The following RBM41 variants were observed in gnomAD, a reference collection of about 807,000 sequenced individuals.
RBM41 encodes RNA binding motif protein 41, also known as RNA-binding protein 41.
RBM41 carries 14 observed loss-of-function variants against 30.8 expected under a neutral mutation model. The ratio of observed to expected loss-of-function variants is 0.45; its 90% CI spans 0.30 to 0.71. The LOEUF (loss-of-function observed/expected upper bound fraction) is 0.71, where lower values mean the gene tolerates loss of function less well. Among genes scored for constraint, RBM41 ranks in the 30% least tolerant of loss-of-function variants. The pLI is 0.08. For synonymous variants in RBM41, 120 were observed against 110.1 expected (o/e 1.09, Z -0.56); for missense variants, 276 against 326.3 (o/e 0.85, Z 1.19).
At position 107,108,892 on chromosome X, in the gene RBM41, T is replaced by C. The variant is rs1339537497; in HGVS notation, c.595+4505A>G. On this transcript the variant is annotated intron_variant, in intron 5 of 7. Coordinates refer to ENST00000685964, the MANE Select transcript of RBM41 (RefSeq NM_001324242.2). ...CACTATTTTACCTGGATGGAACTAT[T>C]TGACCTGCCTGGCACTTCAATGAAA... Among the ~76,000 whole-genome samples the C allele has an allele frequency of 4.5e-5, 5 of 111,648 alleles. No individual in the cohort carries two copies. In the Admixed American group the frequency reaches 4.8e-4, roughly 11 times the overall value.
intron 5 of RBM41, among the ~76,000 whole-genome samples, chrX:107,090,322 C>A (rs1290883820): frequency 1.8e-5 from 2 of 111,282 alleles, no homozygotes; most frequent in African/African-American, 6.6e-5. Flanking sequence ...TGCAGTGAGC[C>A]GAGATCGCGC....
At chrX:107,074,801 G>A (rs1334037911) in intron 6 of RBM41, among the ~76,000 whole-genome samples, 1 of 111,845 alleles carries the variant, frequency 8.9e-6, no homozygotes, top group African/African-American at 3.2e-5. Flanking sequence ...CTGTGTTCAT[G>A]GATTAGAAGA....
chrX:107,106,535 T>C (rs1924008545), intron 5 of RBM41, among the ~76,000 whole-genome samples: 1 of 111,532 alleles, frequency 9.0e-6, no homozygotes, highest in Admixed American at 9.5e-5. Context: ...ACCCAAAGGA[T>C]TATAAAACAT....
At chrX:107,105,233 CAG>C (rs1436825604) in intron 5 of RBM41, among the ~76,000 whole-genome samples, 7 of 110,453 alleles carry the variant, frequency 6.3e-5, no homozygotes, top group Admixed American at 4.8e-4. Context: ...AACAGACAAA[CAG>C]AGAGTCAAAT....
intron 6 of RBM41, among the ~76,000 whole-genome samples, chrX:107,081,821 T>C (rs995120613): frequency 1.8e-5 from 2 of 112,071 alleles, no homozygotes; most frequent in Non-Finnish European, 3.8e-5. Context: ...ATTTCTGGTA[T>C]AGAGGAAAGC....
chrX:107,081,608 A>G (rs1335491504), intron 6 of RBM41, among the ~76,000 whole-genome samples: 1 of 112,348 alleles, frequency 8.9e-6, no homozygotes, highest in Non-Finnish European at 1.9e-5. Flanking sequence ...AGAAGAACTG[A>G]TATCTTAACA....
In RBM41 at chrX:107,063,068, A is replaced by T. The variant is rs1033357390; in HGVS notation, c.*4459T>A. On this transcript the variant is annotated 3_prime_UTR_variant, in exon 8 of 8. Coordinates refer to ENST00000685964, the MANE Select transcript of RBM41 (RefSeq NM_001324242.2). Reference sequence around the variant, plus strand: ...TGAGATATAATTCATACACCACACAATTCACCCATTTAACGTGTACAATTC... The same window carrying T: ...TGAGATATAATTCATACACCACACATTTCACCCATTTAACGTGTACAATTC... 2.7e-5 allele frequency among the ~76,000 whole-genome samples: 3 copies of T among 111,452 alleles called. No individual in the cohort carries two copies. The highest frequency in any genetic ancestry group is 3.8e-5 in the Non-Finnish European group (2 of 53,087).
rs1924797069 is a variant in RBM41 at position 107,115,259 on chromosome X, C to T, written c.523+93G>A. 1.2e-5 allele frequency: 11 copies of T among 950,043 alleles called. No individual in the cohort carries two copies. In the East Asian group the frequency reaches 3.1e-4, roughly 27 times the overall value. The allele number at this position is 950,043 out of a possible 1,213,427, so 78.3% of individuals were successfully genotyped here. A position where few individuals can be genotyped will look rare whatever the true frequency, so the allele number is the denominator to read the frequency against. Reference sequence around the variant, plus strand: ...AAAGTAGTGACAATTTGTCTTTCCCCTATTCCCTTCACTAACTCTTCATAT... The same window carrying T: ...AAAGTAGTGACAATTTGTCTTTCCCTTATTCCCTTCACTAACTCTTCATAT... On this transcript the variant is annotated intron_variant, in intron 4 of 7. Transcript: ENST00000685964.
chrX:107,065,642 T>A lies in RBM41; in HGVS notation c.*1885A>T. 1 of 745,893 alleles carries A rather than the reference T, an allele frequency of 1.3e-6. No homozygotes were observed. The highest frequency in any genetic ancestry group is 3.9e-5 in the South Asian group (1 of 25,778). The allele number at this position is 745,893 out of a possible 1,213,427, so 61.5% of individuals were successfully genotyped here. ...AGTAAGTATATGTTTATAGTTTTTT[T>A]ATATTAAACTTATTTCCTATTTCAC... On this transcript the variant is annotated 3_prime_UTR_variant, in exon 8 of 8. Coordinates refer to ENST00000685964, the MANE Select transcript of RBM41 (RefSeq NM_001324242.2).
intron 6 of RBM41, among the ~76,000 whole-genome samples, chrX:107,087,635 G>A (rs1005599921): frequency 8.9e-6 from 1 of 112,177 alleles, no homozygotes; most frequent in Non-Finnish European, 1.9e-5. Context: ...ACGAAGTCTC[G>A]GTTTGTTGCC....
intron 5 of RBM41, among the ~76,000 whole-genome samples, chrX:107,106,804 G>T (rs940621446): frequency 1.2e-4 from 13 of 104,836 alleles, no homozygotes; most frequent in Non-Finnish European, 2.3e-4. Context: ...TCACTCATAG[G>T]TGGGAATTGA....
At chrX:107,067,730 C>A in intron 7 of RBM41, 37 bp from the exon 8 acceptor site, 1 of 1,137,465 alleles carries the variant, frequency 8.8e-7, no homozygotes, top group Non-Finnish European at 1.2e-6. Context: ...TTACATAGGA[C>A]TTAATAATTC....
chrX:107,099,769 A>G (rs1291002142), intron 5 of RBM41, among the ~76,000 whole-genome samples: 2 of 111,132 alleles, frequency 1.8e-5, no homozygotes, highest in African/African-American at 3.3e-5. Flanking sequence ...ACTGTTCTAA[A>G]GCAAACTAAG....
chrX:107,075,920 T>C (rs1385076758), intron 6 of RBM41, among the ~76,000 whole-genome samples: 2 of 112,031 alleles, frequency 1.8e-5, no homozygotes, highest in Non-Finnish European at 1.9e-5. Context: ...CTCAAAGAGA[T>C]ATATGCATTC....
chrX:107,083,719 G>A (rs1341957769), intron 6 of RBM41, among the ~76,000 whole-genome samples: 4 of 110,595 alleles, frequency 3.6e-5, no homozygotes, highest in Non-Finnish European at 7.6e-5. Context: ...TTGTTACAGT[G>A]TTTTTGATTT....
chrX:107,100,159 T>C (rs1401340046), intron 5 of RBM41, among the ~76,000 whole-genome samples: 1 of 111,987 alleles, frequency 8.9e-6, no homozygotes, highest in Non-Finnish European at 1.9e-5. Context: ...GACTAAAGGC[T>C]TTAAAAAAAG....
chrX:107,058,293 C>CAAAAAAA (rs201428990), downstream of RBM41, among the ~76,000 whole-genome samples: 4 of 45,710 alleles, frequency 8.8e-5, no homozygotes, highest in Admixed American at 2.5e-4. Context: ...AACTCCGTCT[C>CAAAAAAA]AAAAAAAAAA....
intron 6 of RBM41, among the ~76,000 whole-genome samples, chrX:107,075,434 G>A (rs933085575): frequency 8.9e-6 from 1 of 111,843 alleles, no homozygotes; most frequent in African/African-American, 3.2e-5. Flanking sequence ...AAAAAGCCCT[G>A]CACAGCAAAG....
downstream of RBM41, among the ~76,000 whole-genome samples, chrX:107,058,740 G>A (rs1212808752): frequency 9.0e-6 from 1 of 111,723 alleles, no homozygotes; most frequent in African/African-American, 3.3e-5. Context: ...ACCACAGACT[G>A]AGTAGCTTAT....
Sources: allele counts gnomAD v4.1 joint callset (sites outside exome capture counted in the v4.1 genomes callset), GRCh38; gene constraint gnomAD v4.1.1; transcripts MANE v1.5; gene names NCBI Gene and HGNC (gene_info 2026-07-23, HGNC 2026-07-21).